The following CALN1 variants were observed in gnomAD, a reference collection of about 807,000 sequenced individuals.
CALN1 encodes the protein calcium-binding protein 8.
In CALN1, 17 loss-of-function variants were observed where a neutral mutation model predicts 30.6. The observed-to-expected ratio is 0.56, with a 90% CI of 0.38 to 0.83. The LOEUF (loss-of-function observed/expected upper bound fraction) is 0.83, where lower values mean the gene tolerates loss of function less well. Ranked by LOEUF, CALN1 falls within the 40% of genes least tolerant of loss-of-function variation. The pLI is 0.00. For synonymous variants in CALN1, 156 were observed against 131.4 expected (o/e 1.19, Z -1.28); for missense variants, 291 against 354.9 (o/e 0.82, Z 1.45).
At chr7:71,808,342 T>A (rs892316574) in intron 6 of CALN1, among the ~76,000 whole-genome samples, 7 of 151,618 alleles carry the variant, frequency 4.6e-5, no homozygotes, top group African/African-American at 1.7e-4. Flanking sequence ...AAATTATTAA[T>A]TAACCATTAT....
chr7:71,930,202 C>T (rs1236135009), intron 5 of CALN1, among the ~76,000 whole-genome samples: 1 of 152,178 alleles, frequency 6.6e-6, no homozygotes, highest in East Asian at 1.9e-4. Context: ...TCCACAGATG[C>T]AGAACCCACG....
chr7:71,963,630 T>TC (rs1308663890), intron 5 of CALN1, among the ~76,000 whole-genome samples: 2 of 152,220 alleles, frequency 1.3e-5, no homozygotes, highest in East Asian at 3.9e-4. Flanking sequence ...CTTCTTTTTT[T>TC]CTTATCGTCT....
At chr7:72,401,597 G>A (rs964084054) in intron 2 of CALN1, among the ~76,000 whole-genome samples, 3 of 152,086 alleles carry the variant, frequency 2.0e-5, no homozygotes, top group Admixed American at 1.3e-4. Flanking sequence ...CATGCCTTGG[G>A]AGAAACTGAT....
In CALN1 at chr7:71,935,540, T is replaced by A. The variant is rs188479454; in HGVS notation, c.501+88117A>T. ...GAGTTCGAGACCAGGCTGGCCAACA[T>A]GGTGAAACCCTGTCTCTACTAAAAA... On this transcript the variant is annotated intron_variant, in intron 5 of 6. Coordinates refer to ENST00000395275, the MANE Select transcript of CALN1 (RefSeq NM_031468.4). 7.2e-5 allele frequency among the ~76,000 whole-genome samples: 11 copies of A among 152,218 alleles called. No homozygotes were observed. The East Asian group carries it at 1.9e-3, about 27-fold the overall frequency.
intron 3 of CALN1, among the ~76,000 whole-genome samples, chr7:72,142,524 G>A (rs1810025993): frequency 6.6e-6 from 1 of 152,236 alleles, no homozygotes; most frequent in Non-Finnish European, 1.5e-5. Flanking sequence ...CTGCCTGCCT[G>A]CCTCTGGAGA....
rs1186067191 is a variant in CALN1 at position 72,031,914 on chromosome 7, T to C, written c.389-8145A>G. Among the ~76,000 whole-genome samples the C allele has an allele frequency of 2.0e-5, 3 of 151,684 alleles. No homozygotes were observed. The East Asian group carries it at 5.8e-4, about 29-fold the overall frequency. Reference sequence around the variant, plus strand: ...CCACCACCATGCCCAGCTCATTTTTTGTATTTTTAGTAAAGACAGGGTTTT... The same window carrying C: ...CCACCACCATGCCCAGCTCATTTTTCGTATTTTTAGTAAAGACAGGGTTTT... On this transcript the variant is annotated intron_variant, in intron 4 of 6. Transcript: ENST00000395275.
upstream of CALN1, among the ~76,000 whole-genome samples, chr7:72,413,727 C>A (rs907894126): frequency 6.6e-6 from 1 of 151,928 alleles, no homozygotes; most frequent in African/African-American, 2.4e-5. Context: ...TACACTTATA[C>A]ACACACGCAC....
intron 5 of CALN1, among the ~76,000 whole-genome samples, chr7:71,933,253 A>G (rs1169378482): frequency 6.6e-6 from 1 of 152,140 alleles, no homozygotes. Flanking sequence ...GCATAATAAG[A>G]GTAGGGTGAG....
chr7:72,001,173 A>G (rs868295679), intron 5 of CALN1, among the ~76,000 whole-genome samples: 2 of 152,166 alleles, frequency 1.3e-5, no homozygotes, highest in East Asian at 1.9e-4. Context: ...CAGCTTCTCA[A>G]TAAGATCTCA....
In CALN1 at chr7:71,783,256, G is replaced by A. The variant is rs774063862; in HGVS notation, c.*4519C>T. The A allele has an allele frequency of 6.6e-5, 10 of 152,032 alleles. No homozygotes were observed. The highest frequency in any genetic ancestry group is 1.3e-4 in the Non-Finnish European group (9 of 68,014). The allele number at this position is 152,032 out of a possible 1,614,324, so 9.4% of individuals were successfully genotyped here. A position where few individuals can be genotyped will look rare whatever the true frequency, so the allele number is the denominator to read the frequency against. ...GGGGTTGCAGCTCTGCAGACCTCCT[G>A]GTTATACAACCAGGATGTGTGACGT... On this transcript the variant is annotated 3_prime_UTR_variant, in exon 7 of 7. Transcript: ENST00000395275.
At chr7:72,261,027 G>T (rs373046077) in intron 3 of CALN1, among the ~76,000 whole-genome samples, 1 of 152,188 alleles carries the variant, frequency 6.6e-6, no homozygotes, top group Admixed American at 6.5e-5. Flanking sequence ...CTATCAGTAG[G>T]CTGGGCACGG....
At chr7:72,097,960 C>T (rs912192802) in intron 4 of CALN1, among the ~76,000 whole-genome samples, 9 of 152,226 alleles carry the variant, frequency 5.9e-5, no homozygotes, top group East Asian at 1.9e-4. Context: ...GTGATCCACC[C>T]GCCTCGGCCT....
At chr7:72,179,622 A>G (rs1412261721) in intron 3 of CALN1, among the ~76,000 whole-genome samples, 1 of 152,196 alleles carries the variant, frequency 6.6e-6, no homozygotes, top group Non-Finnish European at 1.5e-5. Context: ...AACTTCATAT[A>G]TCCACCTAAT....
intron 2 of CALN1, among the ~76,000 whole-genome samples, chr7:72,354,229 T>C (rs1803096797): frequency 6.6e-6 from 1 of 152,096 alleles, no homozygotes; most frequent in Non-Finnish European, 1.5e-5. Flanking sequence ...CCATGAAATA[T>C]TATGGATAAG....
the CALN1 span, among the ~76,000 whole-genome samples, chr7:72,456,765 G>A: frequency 0.35 from 53,072 of 151,846 alleles, 10,107 homozygotes; most frequent in Middle Eastern, 0.45. Context: ...AGGAGCACCT[G>A]AGGCCAGGAA....
intron 2 of CALN1, among the ~76,000 whole-genome samples, chr7:72,318,926 C>G (rs954444208): frequency 6.6e-6 from 1 of 151,580 alleles, no homozygotes; most frequent in Non-Finnish European, 1.5e-5. Context: ...CACTATTAGT[C>G]TGTTAGTGTG....
intron 5 of CALN1, among the ~76,000 whole-genome samples, chr7:71,962,626 A>T (rs771508223): frequency 6.6e-6 from 1 of 152,238 alleles, no homozygotes; most frequent in South Asian, 2.1e-4. Flanking sequence ...CTGACTAAGA[A>T]GATTTCAAAT....
chr7:71,893,056 T>C (rs938331658), intron 5 of CALN1, among the ~76,000 whole-genome samples: 1 of 152,202 alleles, frequency 6.6e-6, no homozygotes, highest in East Asian at 1.9e-4. Flanking sequence ...CTTTCTTTCA[T>C]TTTCTTTTCC....
At chr7:72,201,759 A>T (rs1461019116) in intron 3 of CALN1, among the ~76,000 whole-genome samples, 2 of 140,976 alleles carry the variant, frequency 1.4e-5, no homozygotes, top group African/African-American at 6.0e-5. Context: ...AAAAAAAAGC[A>T]GTAACTGTAG....
Sources: allele counts gnomAD v4.1 joint callset (sites outside exome capture counted in the v4.1 genomes callset), GRCh38; gene constraint gnomAD v4.1.1; transcripts MANE v1.5; gene names NCBI Gene and HGNC (gene_info 2026-07-23, HGNC 2026-07-21).